KCNIP4: variants seen among roughly 807,000 people sequenced by gnomAD.
The protein encoded by KCNIP4 is Kv channel-interacting protein 4.
Under a neutral mutation model 34.0 loss-of-function variants are expected in KCNIP4, and 12 were observed. The ratio of observed to expected loss-of-function variants is 0.35; its 90% CI spans 0.23 to 0.57. The LOEUF (loss-of-function observed/expected upper bound fraction) is 0.57. Ranked by LOEUF, KCNIP4 falls within the 20% of genes least tolerant of loss-of-function variation. KCNIP4 has a pLI of 0.83. For synonymous variants in KCNIP4, 124 were observed against 102.2 expected, an observed-to-expected ratio of 1.21 and a Z score of -1.29; for missense variants, 238 against 311.7, an observed-to-expected ratio of 0.76 and a Z score of 1.78.
chr4:21,294,398 T>C (rs955861315), intron 1 of KCNIP4, among the ~76,000 whole-genome samples: 1 of 152,232 alleles, frequency 6.6e-6, no homozygotes, highest in African/African-American at 2.4e-5. Flanking sequence ...CATTTTGGCA[T>C]ACCTATTAGT....
chr4:21,356,490 G>T (rs182524388), intron 1 of KCNIP4, among the ~76,000 whole-genome samples: 1 of 152,106 alleles, frequency 6.6e-6, no homozygotes, highest in Non-Finnish European at 1.5e-5. Context: ...AAATCAGTGC[G>T]CAAAAATCAC....
chr4:21,668,407 C>CATTT (rs1221837286), intron 1 of KCNIP4, among the ~76,000 whole-genome samples: 2 of 152,152 alleles, frequency 1.3e-5, no homozygotes, highest in Admixed American at 1.3e-4. Flanking sequence ...TGCATGTCAT[C>CATTT]ATTTACTAAG....
intron 1 of KCNIP4, among the ~76,000 whole-genome samples, chr4:21,578,689 G>A (rs1233289543): frequency 6.6e-6 from 1 of 152,118 alleles, no homozygotes; most frequent in Non-Finnish European, 1.5e-5. Context: ...TCCAGTTCGA[G>A]TATAATGCTA....
At chr4:20,864,354 CAT>C (rs1276031808) in intron 2 of KCNIP4, among the ~76,000 whole-genome samples, 3 of 150,366 alleles carry the variant, frequency 2.0e-5, no homozygotes, top group Non-Finnish European at 4.4e-5. Context: ...GTATGTATAA[CAT>C]GTATATATGT....
intron 1 of KCNIP4, among the ~76,000 whole-genome samples, chr4:21,526,324 G>T (rs139669286): frequency 6.6e-6 from 1 of 151,970 alleles, no homozygotes; most frequent in African/African-American, 2.4e-5. Context: ...CTTGCCTGCC[G>T]CCATGTAAGA....
rs569777189 is a variant in KCNIP4, at chr4:21,528,623, C to T, written c.61+419948G>A. 7.4e-5 allele frequency among the ~76,000 whole-genome samples: 11 copies of T among 149,048 alleles called. No individual in the cohort carries two copies. In the South Asian group the frequency reaches 8.7e-4, roughly 12 times the overall value. On this transcript the variant is annotated intron_variant, in intron 1 of 8. Transcript: ENST00000382152. ...TGGAGGTTGCAGTGAGCCAAGAACG[C>T]GTCACTGAACTCCAGCCTGGGCGAC...
intron 1 of KCNIP4, among the ~76,000 whole-genome samples, chr4:21,558,436 G>A (rs1221833484): frequency 6.6e-6 from 1 of 151,872 alleles, no homozygotes; most frequent in Non-Finnish European, 1.5e-5. Context: ...AGGTTACAGT[G>A]AGCTGAGCTC....
intron 1 of KCNIP4, among the ~76,000 whole-genome samples, chr4:21,668,402 G>A (rs547573067): frequency 4.9e-4 from 74 of 152,246 alleles, no homozygotes; most frequent in Middle Eastern, 3.4e-3. Flanking sequence ...GAAACTGCAT[G>A]TCATCATTTA....
chr4:21,108,616 T>A (rs1748819791), intron 1 of KCNIP4, among the ~76,000 whole-genome samples: 1 of 151,862 alleles, frequency 6.6e-6, no homozygotes, highest in Admixed American at 6.5e-5. Flanking sequence ...TCATTCTCCA[T>A]CCAGCTTTGT....
intron 1 of KCNIP4, among the ~76,000 whole-genome samples, chr4:21,614,882 C>G (rs1222709826): frequency 6.6e-6 from 1 of 152,072 alleles, no homozygotes; most frequent in Non-Finnish European, 1.5e-5. Context: ...ATGGAGGGAT[C>G]TTAAAGGCAC....
chr4:21,244,437 T>C (rs1463544692), intron 1 of KCNIP4, among the ~76,000 whole-genome samples: 3 of 152,242 alleles, frequency 2.0e-5, no homozygotes, highest in Non-Finnish European at 4.4e-5. Flanking sequence ...AAATGTTTAC[T>C]ATCCATGATG....
chr4:20,939,726 A>T (rs1056146376), intron 1 of KCNIP4, among the ~76,000 whole-genome samples: 1 of 152,122 alleles, frequency 6.6e-6, no homozygotes, highest in African/African-American at 2.4e-5. Flanking sequence ...TCTTATCTGA[A>T]TTGACTATAC....
intron 3 of KCNIP4, among the ~76,000 whole-genome samples, chr4:20,812,934 AGT>A (rs34935781): frequency 0.33 from 49,936 of 149,282 alleles, 8,490 homozygotes; most frequent in Admixed American, 0.45. Flanking sequence ...TTTGTGTGTG[AGT>A]GTGTGTGTGT....
At chr4:20,950,680 T>C (rs917348665) in intron 1 of KCNIP4, among the ~76,000 whole-genome samples, 1 of 152,038 alleles carries the variant, frequency 6.6e-6, no homozygotes, top group Non-Finnish European at 1.5e-5. Flanking sequence ...TAGAGAGGCA[T>C]GCAATGTAGA....
chr4:21,595,743 G>A (rs1372304032), intron 1 of KCNIP4, among the ~76,000 whole-genome samples: 2 of 151,948 alleles, frequency 1.3e-5, no homozygotes, highest in African/African-American at 2.4e-5. Flanking sequence ...TGAAAAAAAA[G>A]CTCATCATCA....
chr4:21,423,909 G>A (rs1352866337), intron 1 of KCNIP4, among the ~76,000 whole-genome samples: 7 of 151,578 alleles, frequency 4.6e-5, no homozygotes, highest in African/African-American at 1.7e-4. Flanking sequence ...CTGGGTTCAA[G>A]CGATTCTCCT....
intron 1 of KCNIP4, among the ~76,000 whole-genome samples, chr4:21,874,586 A>G (rs1252660396): frequency 2.6e-5 from 4 of 152,188 alleles, no homozygotes; most frequent in African/African-American, 9.6e-5. Flanking sequence ...CAGATTCTGG[A>G]AAAGGCTTCT....
At chr4:20,966,145 G>A (rs1457855978) in intron 1 of KCNIP4, among the ~76,000 whole-genome samples, 1 of 152,128 alleles carries the variant, frequency 6.6e-6, no homozygotes, top group African/African-American at 2.4e-5. Flanking sequence ...TGTAGGATTT[G>A]GATGTTTGTT....
intron 1 of KCNIP4, among the ~76,000 whole-genome samples, chr4:20,974,358 G>A (rs1037618480): frequency 6.6e-6 from 1 of 152,144 alleles, no homozygotes; most frequent in Non-Finnish European, 1.5e-5. Flanking sequence ...GCTGTACCAC[G>A]TACATCAGGA....
Sources: allele counts gnomAD v4.1 joint callset (sites outside exome capture counted in the v4.1 genomes callset), GRCh38; gene constraint gnomAD v4.1.1; transcripts MANE v1.5; gene names NCBI Gene and HGNC (gene_info 2026-07-23, HGNC 2026-07-21).